Variants in PCSK2 observed in about 807,000 individuals in gnomAD.
The protein encoded by PCSK2 is proprotein convertase subtilisin/kexin type 2.
In PCSK2, 14 loss-of-function variants were observed where a neutral mutation model predicts 69.7. That is an observed-to-expected ratio of 0.20 (90% confidence interval 0.13 to 0.31). PCSK2 has a LOEUF of 0.31. Among genes scored for constraint, PCSK2 ranks in the 10% least tolerant of loss-of-function variants. The pLI is 1.00. For synonymous variants in PCSK2, 307 were observed against 320.7 expected, an observed-to-expected ratio of 0.96 and a Z score of 0.46; for missense variants, 544 against 842.5, an observed-to-expected ratio of 0.65 and a Z score of 4.39.
chr20:17,415,295 CAGCCCAAAATCTCCTTA>C (rs2031974934), intron 6 of PCSK2, among the ~76,000 whole-genome samples: 3 of 152,202 alleles, frequency 2.0e-5, no homozygotes, highest in Admixed American at 1.3e-4. Context: ...CCCATCGTCT[CAGCCCAAAATCTCCTTA>C]AGCTGAGAAG....
At chr20:17,319,374 C>T (rs1446685695) in intron 2 of PCSK2, among the ~76,000 whole-genome samples, 2 of 152,178 alleles carry the variant, frequency 1.3e-5, no homozygotes, top group Non-Finnish European at 2.9e-5. Flanking sequence ...AGGCAATCAG[C>T]TGATGGTGTC....
chr20:17,353,045 T>C (rs562666039), intron 2 of PCSK2, among the ~76,000 whole-genome samples: 1 of 152,044 alleles, frequency 6.6e-6, no homozygotes, highest in African/African-American at 2.4e-5. Context: ...CAGATACTTC[T>C]CAAAAAACAC....
intron 2 of PCSK2, among the ~76,000 whole-genome samples, chr20:17,332,714 C>A (rs1049711443): frequency 2.0e-5 from 3 of 152,152 alleles, no homozygotes; most frequent in African/African-American, 7.2e-5. Context: ...TAAATGTGAG[C>A]ACCACTGCTC....
intron 2 of PCSK2, among the ~76,000 whole-genome samples, chr20:17,333,008 C>T (rs1363388654): frequency 6.6e-6 from 1 of 152,036 alleles, no homozygotes; most frequent in East Asian, 1.9e-4. Context: ...ATCATTGGGA[C>T]AATTGATCAA....
At chr20:17,268,679 T>G (rs775574716) in intron 2 of PCSK2, among the ~76,000 whole-genome samples, 6 of 152,182 alleles carry the variant, frequency 3.9e-5, no homozygotes, top group Non-Finnish European at 7.3e-5. Flanking sequence ...GGCGACATGA[T>G]AAGCTGGGGA....
intron 8 of PCSK2, among the ~76,000 whole-genome samples, chr20:17,451,904 G>A (rs1044951350): frequency 7.3e-6 from 1 of 137,446 alleles, no homozygotes; most frequent in Admixed American, 7.3e-5. Context: ...AAACACATCA[G>A]TTGTACTTTG....
At chr20:17,256,752 T>C (rs1190241673) in intron 1 of PCSK2, among the ~76,000 whole-genome samples, 1 of 152,122 alleles carries the variant, frequency 6.6e-6, no homozygotes, top group African/African-American at 2.4e-5. Context: ...TAGGTATTTC[T>C]CCTAATGTTA....
At position 17,298,711 on chromosome 20, in the gene PCSK2, A is replaced by T. The variant is rs572347732; in HGVS notation, c.282+38367A>T. 2.0e-5 allele frequency among the ~76,000 whole-genome samples: 3 copies of T among 152,162 alleles called. 1 individual carries two copies. The South Asian group carries it at 6.2e-4, about 32-fold the overall frequency. ...ATATTTTTAAGTAATTTTTTTTTCA[A>T]GTAGACTCTATAGAAAGGAGGAATT... On this transcript the variant is annotated intron_variant, in intron 2 of 11. Coordinates refer to ENST00000262545, the MANE Select transcript of PCSK2 (RefSeq NM_002594.5).
rs2123432888 is a variant in PCSK2 at position 17,484,289 on chromosome 20, T to C, written c.*2219T>C. 1 of 152,574 alleles carries C rather than the reference T, an allele frequency of 6.6e-6. No homozygotes were observed. Among genetic ancestry groups the C allele is most frequent in the Non-Finnish European group, 1.5e-5 (1 of 67,972 alleles). The allele number at this position is 152,574 out of a possible 1,614,324, so 9.5% of individuals were successfully genotyped here. The stretch of plus-strand genomic sequence containing the variant: ...GAGAAATGGCAAGTTTTGATATGAG[T>C]ATACAATATATAAAAATATATATAG... On this transcript the variant is annotated 3_prime_UTR_variant, in exon 12 of 12. Transcript: ENST00000262545.
chr20:17,438,208 T>C (rs1423686180), intron 8 of PCSK2, among the ~76,000 whole-genome samples: 2 of 152,244 alleles, frequency 1.3e-5, no homozygotes, highest in African/African-American at 4.8e-5. Flanking sequence ...GAAATGGCTA[T>C]AGAAACCAGC....
intron 2 of PCSK2, among the ~76,000 whole-genome samples, chr20:17,314,657 G>A (rs1282632703): frequency 6.6e-6 from 1 of 152,196 alleles, no homozygotes; most frequent in Non-Finnish European, 1.5e-5. Context: ...TGAACACAAG[G>A]ACACCAGTTG....
intron 5 of PCSK2, among the ~76,000 whole-genome samples, chr20:17,393,671 T>G (rs1164973123): frequency 6.6e-6 from 1 of 152,224 alleles, no homozygotes; most frequent in Non-Finnish European, 1.5e-5. Context: ...ATGATTTCTC[T>G]CTTGTTTCAA....
chr20:17,369,328 G>A (rs2030689818), intron 5 of PCSK2, 51 bp downstream of exon 5: 2 of 1,473,888 alleles, frequency 1.4e-6, no homozygotes, highest in Non-Finnish European at 1.9e-6. Context: ...TAAATGTCCT[G>A]GTGTCCCTGG....
intron 2 of PCSK2, among the ~76,000 whole-genome samples, chr20:17,324,899 C>T (rs528562594): frequency 9.2e-5 from 14 of 152,300 alleles, no homozygotes; most frequent in African/African-American, 2.6e-4. Flanking sequence ...TGCCTCACAG[C>T]CCCCTCCTCA....
At chr20:17,254,791 A>T (rs1028065384) in intron 1 of PCSK2, among the ~76,000 whole-genome samples, 1 of 152,228 alleles carries the variant, frequency 6.6e-6, no homozygotes, top group African/African-American at 2.4e-5. Context: ...TTGCCATTTT[A>T]AAAAATCCGT....
intron 2 of PCSK2, among the ~76,000 whole-genome samples, chr20:17,316,227 T>C (rs1472621377): frequency 6.6e-6 from 1 of 152,228 alleles, no homozygotes; most frequent in Non-Finnish European, 1.5e-5. Context: ...CTCTTTTTGC[T>C]ACCCTCGCAC....
At chr20:17,250,708 TA>T (rs1159088824) in intron 1 of PCSK2, among the ~76,000 whole-genome samples, 1 of 152,110 alleles carries the variant, frequency 6.6e-6, no homozygotes, top group Non-Finnish European at 1.5e-5. Context: ...TTTCTTATTT[TA>T]AAAAAACACT....
intron 5 of PCSK2, among the ~76,000 whole-genome samples, chr20:17,385,990 G>A (rs568041582): frequency 1.5e-4 from 23 of 152,322 alleles, no homozygotes; most frequent in South Asian, 8.3e-4. Flanking sequence ...GAGATAAAGA[G>A]ATAAAATGCT....
At chr20:17,270,014 C>A (rs150709031) in intron 2 of PCSK2, among the ~76,000 whole-genome samples, 1 of 152,220 alleles carries the variant, frequency 6.6e-6, no homozygotes, top group East Asian at 1.9e-4. Flanking sequence ...GATATAATTT[C>A]TCACTCCTCA....
Sources: allele counts gnomAD v4.1 joint callset (sites outside exome capture counted in the v4.1 genomes callset), GRCh38; gene constraint gnomAD v4.1.1; transcripts MANE v1.5; gene names NCBI Gene and HGNC (gene_info 2026-07-23, HGNC 2026-07-21).